KPNA3: variants seen among roughly 807,000 people sequenced by gnomAD.
KPNA3 encodes the protein karyopherin subunit alpha 3.
A neutral mutation model predicts 73.8 loss-of-function variants in KPNA3; 13 were observed. The observed-to-expected ratio is 0.18, with a 90% CI of 0.11 to 0.28. The LOEUF (loss-of-function observed/expected upper bound fraction) is 0.28, where lower values mean the gene tolerates loss of function less well. KPNA3 is among the 10% of genes least tolerant of loss of function. KPNA3 has a pLI of 1.00. For synonymous variants in KPNA3, 186 were observed against 206.9 expected (o/e 0.90, Z 0.87); for missense variants, 360 against 618.1 (o/e 0.58, Z 4.43).
Position 49,779,301 on chromosome 13 carries a change from C to T in KPNA3, c.69+13137G>A, listed in dbSNP as rs117238635. Among the ~76,000 whole-genome samples, 1,351 of 152,256 alleles carry T rather than the reference C, an allele frequency of 8.9e-3. 13 individuals carry two copies. The highest frequency in any genetic ancestry group is 0.016 in the Admixed American group (240 of 15,280). ...CTATATAAATCCTATTTTGCTTACC[C>T]TGAAACACCTTTCCTTCAAGTATTA... is the stretch of plus-strand genomic sequence containing the variant. On this transcript the variant is annotated intron_variant, in intron 1 of 16. Coordinates refer to ENST00000261667, the MANE Select transcript of KPNA3 (RefSeq NM_002267.4).
chr13:49,772,174 T>C (rs1954861237), intron 1 of KPNA3, among the ~76,000 whole-genome samples: 1 of 152,218 alleles, frequency 6.6e-6, no homozygotes. Flanking sequence ...CTTGTTTTCT[T>C]GCCTAATTGT....
rs1426056112 is a variant in KPNA3 at position 49,723,864 on chromosome 13, G to A, written c.470-1301C>T. Among the ~76,000 whole-genome samples the A allele has an allele frequency of 2.3e-4, 31 of 132,342 alleles. 1 individual carries two copies. The highest frequency in any genetic ancestry group is 7.4e-4 in the African/African-American group (28 of 37,798). The allele number at this position is 132,342 out of a possible 152,430, so 86.8% of individuals were successfully genotyped here. A position where few individuals can be genotyped will look rare whatever the true frequency, so the allele number is the denominator to read the frequency against. On this transcript the variant is annotated intron_variant, in intron 7 of 16. Transcript: ENST00000261667. ...CAGCCTGGCGACAGAGCGAGACTCC[G>A]TCTTAAAAAAAAAAAAAAAAGAAAA... is the stretch of plus-strand genomic sequence containing the variant.
chr13:49,709,598 A>G lies in KPNA3; in HGVS notation c.1006T>C (p.Ser336Pro). 6.2e-7 allele frequency: 1 copy of G among 1,613,716 alleles called. No homozygotes were observed. The highest frequency in any genetic ancestry group is 8.5e-7 in the Non-Finnish European group (1 of 1,179,716). Residue 336 changes from serine (S) to proline (P), a missense_variant, in exon 12 of 17, where the codon TCA becomes CCA. Ser to Pro is a moderately conservative substitution (Grantham distance 74, BLOSUM62 -1). Around this residue, in one of 3 missense-constraint regions of KPNA3, gnomAD observed 287 missense variants for 549.1 expected, o/e 0.52. Coordinates refer to ENST00000261667, the MANE Select transcript of KPNA3 (RefSeq NM_002267.4). ...DVLSHFPNLLSHPKEKINKEA... is the reference protein window; with the variant it reads ...DVLSHFPNLLPHPKEKINKEA... ...TTATTTATCTTCTCTTTTGGGTGTG[A>G]TAAGAGATTTGGGAAGTGTGACAGG...
intron 10 of KPNA3, among the ~76,000 whole-genome samples, chr13:49,715,457 T>C (rs1421983764): frequency 6.6e-6 from 1 of 152,202 alleles, no homozygotes; most frequent in Non-Finnish European, 1.5e-5. Context: ...ACTGAGATAC[T>C]GTTTCTCACC....
intron 12 of KPNA3, among the ~76,000 whole-genome samples, chr13:49,708,099 C>T (rs1954224924): frequency 6.6e-6 from 1 of 151,532 alleles, no homozygotes; most frequent in South Asian, 2.1e-4. Flanking sequence ...GGGTTCATGC[C>T]ATTCTCCTGC....
chr13:49,703,852 C>T (rs952528430), intron 15 of KPNA3, among the ~76,000 whole-genome samples: 1 of 151,802 alleles, frequency 6.6e-6, no homozygotes, highest in African/African-American at 2.4e-5. Context: ...ACTAATAAAC[C>T]AAAAGAATGG....
intron 15 of KPNA3, among the ~76,000 whole-genome samples, chr13:49,704,439 AAAT>A (rs1954184502): frequency 4.1e-4 from 1 of 2,466 alleles, no homozygotes. Context: ...AATAAAAAAT[AAAT>A]AAATAAATAA....
At chr13:49,707,040 C>T (rs1293371526) in intron 12 of KPNA3, among the ~76,000 whole-genome samples, 8 of 152,142 alleles carry the variant, frequency 5.3e-5, no homozygotes, top group Non-Finnish European at 1.0e-4. Context: ...TGAGCCACCG[C>T]GCCCAGCCAC....
At chr13:49,721,183 C>G (rs943291831) in intron 9 of KPNA3, among the ~76,000 whole-genome samples, 2 of 151,986 alleles carry the variant, frequency 1.3e-5, no homozygotes, top group African/African-American at 4.8e-5. Context: ...CATGCCACTG[C>G]ACTCCAGCCT....
intron 1 of KPNA3, among the ~76,000 whole-genome samples, chr13:49,769,081 C>T (rs1393715904): frequency 6.6e-6 from 1 of 152,090 alleles, no homozygotes; most frequent in East Asian, 1.9e-4. Context: ...TGATCACTCT[C>T]CAGTACCTTT....
rs1022543754 is a variant in KPNA3 at position 49,757,374 on chromosome 13, T to C, written c.70-10381A>G. Among the ~76,000 whole-genome samples the C allele has an allele frequency of 4.0e-5, 6 of 151,682 alleles. No homozygotes were observed. The South Asian group carries it at 1.2e-3, about 31-fold the overall frequency. ...CAGGTAACCAACCAACCAATGGAAC[T>C]AGAAAATGGGCAAAAGAAATGAAAA... On this transcript the variant is annotated intron_variant, in intron 1 of 16. Coordinates refer to ENST00000261667, the MANE Select transcript of KPNA3 (RefSeq NM_002267.4).
intron 1 of KPNA3, among the ~76,000 whole-genome samples, chr13:49,767,679 G>C (rs1316903481): frequency 6.6e-6 from 1 of 152,116 alleles, no homozygotes; most frequent in Non-Finnish European, 1.5e-5. Context: ...GAGTGGCTCT[G>C]TCACTAACTA....
chr13:49,703,446 C>T (rs961269705), intron 15 of KPNA3, among the ~76,000 whole-genome samples: 1 of 152,172 alleles, frequency 6.6e-6, no homozygotes, highest in Non-Finnish European at 1.5e-5. Flanking sequence ...TCCCAAAGTG[C>T]TGGGATTACA....
chr13:49,732,048 G>A (rs138070936), intron 6 of KPNA3, among the ~76,000 whole-genome samples: 256 of 152,280 alleles, frequency 1.7e-3, no homozygotes, highest in Admixed American at 4.4e-3. Flanking sequence ...TAAGCAAAGA[G>A]TGACTCAAAC....
At chr13:49,704,425 AATAAATAAAAAAT>A (rs1566330756) in intron 15 of KPNA3, among the ~76,000 whole-genome samples, 99 of 99,910 alleles carry the variant, frequency 9.9e-4, no homozygotes, top group Middle Eastern at 4.8e-3. Context: ...AAAAAAAATA[AATAAATAAAAAAT>A]AAATAAATAA....
Position 49,722,142 on chromosome 13 carries a change from A to T in KPNA3, c.557-18T>A, listed in dbSNP as rs754877367. On this transcript the variant is annotated intron_variant, in intron 8 of 16. Coordinates refer to ENST00000261667, the MANE Select transcript of KPNA3 (RefSeq NM_002267.4). ...ACCATCACCTACAGAAATGAAAATT[A>T]TATTTAAAAAAAACTTACATTCAGG... 6.7e-7 allele frequency: 1 copy of T among 1,483,788 alleles called. No individual in the cohort carries two copies. The allele number at this position is 1,483,788 out of a possible 1,614,324, so 91.9% of individuals were successfully genotyped here. A position where few individuals can be genotyped will look rare whatever the true frequency, so the allele number is the denominator to read the frequency against.
intron 1 of KPNA3, among the ~76,000 whole-genome samples, chr13:49,755,765 T>G (rs1325884669): frequency 3.3e-5 from 5 of 151,682 alleles, no homozygotes; most frequent in African/African-American, 1.2e-4. Context: ...CACTCCAGCC[T>G]GGCGACAGAG....
intron 1 of KPNA3, among the ~76,000 whole-genome samples, chr13:49,785,704 G>C (rs531751643): frequency 2.0e-5 from 3 of 151,954 alleles, no homozygotes; most frequent in East Asian, 3.9e-4. Flanking sequence ...GACTGAAAAA[G>C]AGTACTCCAA....
At chr13:49,723,859 A>T (rs1954383300) in intron 7 of KPNA3, among the ~76,000 whole-genome samples, 1 of 145,672 alleles carries the variant, frequency 6.9e-6, no homozygotes, top group African/African-American at 2.5e-5. Context: ...ACAGAGCGAG[A>T]CTCCGTCTTA....
Sources: gnomAD v4.1 joint callset for allele counts (sites outside exome capture counted in the v4.1 genomes callset) on GRCh38, gnomAD v4.1.1 for gene constraint, gnomAD v4.1.1 regional missense constraint, MANE v1.5 for transcripts, NCBI Gene and HGNC (gene_info 2026-07-23, HGNC 2026-07-21) for gene names.